Variants in SNX8 observed in about 807,000 individuals in gnomAD.
SNX8 encodes the protein sorting nexin 8.
SNX8 carries 25 observed loss-of-function variants against 51.6 expected under a neutral mutation model. The ratio of observed to expected loss-of-function variants is 0.48; its 90% CI spans 0.35 to 0.68. The LOEUF is 0.68. SNX8 is among the 30% of genes least tolerant of loss of function. SNX8 has a pLI of 0.00. For missense variants in SNX8, 695 were observed against 624.0 expected (o/e 1.11, Z -1.21); for synonymous variants, 324 against 277.0 (o/e 1.17, Z -1.68).
intron 1 of SNX8, among the ~76,000 whole-genome samples, chr7:2,328,942 C>CGG (rs553254058): frequency 5.8e-4 from 88 of 152,122 alleles, no homozygotes; most frequent in African/African-American, 1.4e-3. Context: ...AAAAGTTAGC[C>CGG]GGGCGTGTTG....
intron 1 of SNX8, among the ~76,000 whole-genome samples, chr7:2,334,883 A>AG: frequency 6.6e-6 from 1 of 150,576 alleles, no homozygotes; most frequent in African/African-American, 2.4e-5. Flanking sequence ...AAAAAAAAAA[A>AG]AAAAAAAAAA....
At chr7:2,269,351 C>T (rs1196371061) in intron 5 of SNX8, among the ~76,000 whole-genome samples, 1 of 150,324 alleles carries the variant, frequency 6.7e-6, no homozygotes, top group Non-Finnish European at 1.5e-5. Flanking sequence ...TCCCTAATCT[C>T]AAGTAATCAG....
intron 1 of SNX8, among the ~76,000 whole-genome samples, chr7:2,327,957 C>T (rs932300099): frequency 1.3e-5 from 2 of 151,962 alleles, no homozygotes; most frequent in African/African-American, 4.8e-5. Flanking sequence ...TCTGGACCTG[C>T]TGGGCTCAAC....
chr7:2,351,917 T>A (rs556195311), intron 1 of SNX8, among the ~76,000 whole-genome samples: 1 of 147,058 alleles, frequency 6.8e-6, no homozygotes, highest in African/African-American at 2.5e-5. Context: ...TTTTTTTTTT[T>A]TTTTTTTTTG....
At chr7:2,276,250 G>A (rs1422551431) in intron 2 of SNX8, among the ~76,000 whole-genome samples, 2 of 152,184 alleles carry the variant, frequency 1.3e-5, no homozygotes, top group Non-Finnish European at 2.9e-5. Flanking sequence ...CCAGGCCCCA[G>A]AAGGAAGGGG....
intron 1 of SNX8, among the ~76,000 whole-genome samples, chr7:2,304,288 G>A (rs141305085): frequency 0.024 from 3,680 of 152,138 alleles, 66 homozygotes; most frequent in Non-Finnish European, 0.038. Flanking sequence ...CTCACGCCTG[G>A]AATCCCAGCA....
upstream of SNX8, among the ~76,000 whole-genome samples, chr7:2,316,725 T>C (rs543437303): frequency 6.6e-6 from 1 of 151,964 alleles, no homozygotes; most frequent in South Asian, 2.1e-4. Context: ...ACTCACTCAC[T>C]GCATCCTGCA....
chr7:2,281,302 C>T (rs924738786), intron 1 of SNX8, among the ~76,000 whole-genome samples: 2 of 151,856 alleles, frequency 1.3e-5, no homozygotes, highest in Non-Finnish European at 2.9e-5. Flanking sequence ...ACCTGTAGTC[C>T]CAGCTACTCA....
chr7:2,305,262 A>G (rs1276972243), intron 1 of SNX8, among the ~76,000 whole-genome samples: 1 of 152,176 alleles, frequency 6.6e-6, no homozygotes, highest in Admixed American at 6.5e-5. Context: ...CTCTGGGTAA[A>G]TCCAACGGGA....
upstream of SNX8, among the ~76,000 whole-genome samples, chr7:2,315,855 A>G (rs1392726196): frequency 1.4e-5 from 1 of 72,924 alleles, no homozygotes; most frequent in African/African-American, 5.6e-5. Context: ...CTCACTCACT[A>G]ACTGCATCCT....
At chr7:2,312,983 T>G (rs566155246) in intron 1 of SNX8, among the ~76,000 whole-genome samples, 14 of 152,194 alleles carry the variant, frequency 9.2e-5, no homozygotes, top group African/African-American at 2.6e-4. Flanking sequence ...CTACAAGCTC[T>G]GCCTCCCGGG....
At chr7:2,315,963 C>G (rs1322794171), upstream of SNX8, among the ~76,000 whole-genome samples, 1 of 149,928 alleles carries the variant, frequency 6.7e-6, no homozygotes, top group Non-Finnish European at 1.5e-5. Context: ...CTCACTCACT[C>G]ACTGCTTCTT....
In SNX8 at chr7:2,301,799, G is replaced by A. The variant is rs145541340; in HGVS notation, c.94+12529C>T. Among the ~76,000 whole-genome samples the A allele has an allele frequency of 5.1e-4, 78 of 152,234 alleles. 1 individual carries two copies. The highest frequency in any genetic ancestry group is 1.8e-3 in the African/African-American group (76 of 41,566). ...CTGCTATCCAGGCCCTGCCTCCAGC[G>A]TCGAGTTCTGTCTCCTAACTCATTA... On this transcript the variant is annotated intron_variant, in intron 1 of 10. Transcript: ENST00000222990.
intron 5 of SNX8, among the ~76,000 whole-genome samples, chr7:2,268,590 A>T (rs1795552000): frequency 1.5e-5 from 2 of 137,616 alleles, no homozygotes; most frequent in African/African-American, 2.8e-5. Context: ...CCTGTCCGGG[A>T]GGGAGGTGGG....
At chr7:2,297,464 C>T (rs1016199476) in intron 1 of SNX8, among the ~76,000 whole-genome samples, 1 of 142,972 alleles carries the variant, frequency 7.0e-6, no homozygotes, top group Non-Finnish European at 1.5e-5. Flanking sequence ...GCAGGAGAAT[C>T]GCTTGAACCC....
chr7:2,308,727 C>A (rs1262245552), intron 1 of SNX8, among the ~76,000 whole-genome samples: 2 of 149,704 alleles, frequency 1.3e-5, no homozygotes, highest in Admixed American at 6.7e-5. Flanking sequence ...AAGGTTTTGT[C>A]CCTAATGCAA....
chr7:2,303,682 T>G (rs1207820852), intron 1 of SNX8, among the ~76,000 whole-genome samples: 3 of 152,198 alleles, frequency 2.0e-5, no homozygotes, highest in African/African-American at 7.2e-5. Context: ...CTGAAACATG[T>G]GCTGTGTCCA....
intron 3 of SNX8, among the ~76,000 whole-genome samples, chr7:2,272,992 C>A (rs531176275): frequency 4.6e-5 from 7 of 151,880 alleles, no homozygotes; most frequent in Non-Finnish European, 7.4e-5. Context: ...CGCCACCACA[C>A]CTGGCTAATG....
At chr7:2,332,102 C>A (rs1393394362) in intron 1 of SNX8, among the ~76,000 whole-genome samples, 1 of 151,474 alleles carries the variant, frequency 6.6e-6, no homozygotes, top group African/African-American at 2.4e-5. Context: ...AGCTAGTTGG[C>A]AGGCTGAGGT....
Sources: gnomAD v4.1 joint callset for allele counts (sites outside exome capture counted in the v4.1 genomes callset) on GRCh38, gnomAD v4.1.1 for gene constraint, MANE v1.5 for transcripts, NCBI Gene and HGNC (gene_info 2026-07-23, HGNC 2026-07-21) for gene names.